FGF13: variants seen among roughly 807,000 people sequenced by gnomAD.
FGF13 encodes the protein fibroblast growth factor homologous factor 2.
Under a neutral mutation model 19.5 loss-of-function variants are expected in FGF13, and 2 were observed. The observed-to-expected ratio is 0.10, with a 90% CI of 0.04 to 0.32. FGF13 has a LOEUF of 0.32. FGF13 is among the 10% of genes least tolerant of loss of function. The pLI is 1.00. For synonymous variants in FGF13, 72 were observed against 76.9 expected (o/e 0.94, Z 0.33); for missense variants, 113 against 192.7 (o/e 0.59, Z 2.45).
At chrX:138,698,449 A>G (rs1295056906) in intron 3 of FGF13, among the ~76,000 whole-genome samples, 1 of 111,808 alleles carries the variant, frequency 8.9e-6, no homozygotes. Flanking sequence ...AAAAATGTAA[A>G]GGCAATTTGC....
intron 3 of FGF13, among the ~76,000 whole-genome samples, chrX:138,760,658 C>T (rs1326198319): frequency 2.7e-5 from 3 of 112,207 alleles, no homozygotes; most frequent in East Asian, 5.6e-4. Flanking sequence ...CTGTGAAGCT[C>T]AGCAAGTTTA....
chrX:139,127,021 C>T (rs1432112931), intron 1 of FGF13, among the ~76,000 whole-genome samples: 1 of 111,521 alleles, frequency 9.0e-6, no homozygotes, highest in East Asian at 2.8e-4. Context: ...GGCTATGGAC[C>T]TTGGCTTTTC....
At chrX:139,171,345 G>A (rs1298018088) in intron 1 of FGF13, among the ~76,000 whole-genome samples, 1 of 111,887 alleles carries the variant, frequency 8.9e-6, no homozygotes, top group African/African-American at 3.2e-5. Flanking sequence ...ATTATTAGAT[G>A]CCTAATTTAT....
chrX:138,959,574 C>G (rs1263873745), intron 1 of FGF13, among the ~76,000 whole-genome samples: 2 of 110,973 alleles, frequency 1.8e-5, no homozygotes, highest in African/African-American at 6.6e-5. Context: ...CCTGGATATT[C>G]TTGTTAATCT....
At chrX:139,094,118 C>G (rs767068411) in intron 1 of FGF13, among the ~76,000 whole-genome samples, 17 of 111,347 alleles carry the variant, frequency 1.5e-4, no homozygotes, top group Non-Finnish European at 2.8e-4. Context: ...GTCTCTAGTG[C>G]CTTTTTGTTT....
chrX:139,135,037 A>G (rs2083789137), intron 1 of FGF13, among the ~76,000 whole-genome samples: 1 of 107,186 alleles, frequency 9.3e-6, no homozygotes, highest in Non-Finnish European at 1.9e-5. Context: ...TGAATGGCAG[A>G]AAAAAAAAAC....
Position 138,894,223 on chromosome X carries a change from C to A in FGF13, c.-112-29573G>T, listed in dbSNP as rs1034851000. ...AAGACTAAAGGACCTGTAGTATCTT[C>A]TCTTTCCATCACAATGGAAAGAACT... On this transcript the variant is annotated intron_variant, in intron 1 of 2. Coordinates refer to the FGF13 transcript ENST00000421460. Among the ~76,000 whole-genome samples, 78 of 110,264 alleles carry A rather than the reference C, an allele frequency of 7.1e-4. 1 individual carries two copies. Among genetic ancestry groups the A allele is most frequent in the Non-Finnish European group, 5.7e-4 (30 of 52,801 alleles).
At chrX:138,671,049 CCAT>C (rs1221221251) in intron 3 of FGF13, among the ~76,000 whole-genome samples, 10 of 110,801 alleles carry the variant, frequency 9.0e-5, no homozygotes, top group African/African-American at 3.3e-4. Context: ...ACCACCACCG[CCAT>C]CATCATTTCC....
rs753289623 is a variant in FGF13, at chrX:138,891,355, T to C, written c.-112-26705A>G. ...TATCCAAAGTCAGGGTGTCAGCATG[T>C]TCGGCTTCTGGTGAGGGCTCACTTC... On this transcript the variant is annotated intron_variant, in intron 1 of 2. Coordinates refer to the FGF13 transcript ENST00000421460. Among the ~76,000 whole-genome samples the C allele has an allele frequency of 8.1e-5, 9 of 111,739 alleles. No homozygotes were observed. In the South Asian group the frequency reaches 3.1e-3, roughly 38 times the overall value.
chrX:138,926,236 T>C, intron 1 of FGF13, among the ~76,000 whole-genome samples: 1 of 111,839 alleles, frequency 8.9e-6, no homozygotes. Flanking sequence ...GCCAAGCACA[T>C]GATGAGTTAT....
At chrX:138,744,931 A>T (rs1170289223) in intron 3 of FGF13, among the ~76,000 whole-genome samples, 1 of 112,048 alleles carries the variant, frequency 8.9e-6, no homozygotes, top group East Asian at 2.8e-4. Context: ...TGACTGTGTT[A>T]TGTGTGCTGC....
At position 138,923,410 on chromosome X, in the gene FGF13, C is replaced by T. The variant is rs1032445121; in HGVS notation, c.-112-58760G>A. 6.2e-5 allele frequency among the ~76,000 whole-genome samples: 7 copies of T among 112,299 alleles called. 1 individual carries two copies. The highest frequency in any genetic ancestry group is 9.2e-3 in the Middle Eastern group (2 of 217). ...AAAGGATCAAACGGAATATATTTAA[C>T]TATATGATCAAAATATAAGGATGAT... On this transcript the variant is annotated intron_variant, in intron 1 of 2. Coordinates refer to the FGF13 transcript ENST00000421460.
chrX:139,068,571 T>C, intron 1 of FGF13, among the ~76,000 whole-genome samples: 1 of 110,801 alleles, frequency 9.0e-6, no homozygotes. Context: ...GTACATTACC[T>C]TGGGCAGTAT....
intron 1 of FGF13, among the ~76,000 whole-genome samples, chrX:138,953,112 TA>T (rs1393821237): frequency 9.0e-6 from 1 of 111,246 alleles, no homozygotes; most frequent in Non-Finnish European, 1.9e-5. Flanking sequence ...CATGCTGCTA[TA>T]AAGACACATG....
At chrX:139,175,909 A>G (rs1272249331) in intron 1 of FGF13, among the ~76,000 whole-genome samples, 2 of 111,753 alleles carry the variant, frequency 1.8e-5, no homozygotes, top group Admixed American at 9.5e-5. Context: ...GATGATGCTG[A>G]CCTCATAAAA....
At position 138,632,967 on chromosome X, in the gene FGF13, T is replaced by C. The variant is rs774144022; in HGVS notation, c.621A>G (p.Pro207=). 1.7e-6 allele frequency: 2 copies of C among 1,209,768 alleles called. No homozygotes were observed. The highest frequency in any genetic ancestry group is 2.2e-6 in the Non-Finnish European group (2 of 894,346). ...KPLKVAMYKE[P]SLHDLTEFSR... Reference sequence around the variant, plus strand: ...AGAACTCCGTGAGATCGTGCAGTGATGGCTCCTTGTACATGGCCACTGAAA... The same window carrying C: ...AGAACTCCGTGAGATCGTGCAGTGACGGCTCCTTGTACATGGCCACTGAAA... The change falls in exon 5 of 5, where the codon CCA becomes CCG. Residue 207 remains proline (P), a synonymous_variant. Transcript: ENST00000315930.
At chrX:138,856,338 G>T (rs766579778), downstream of FGF13, among the ~76,000 whole-genome samples, 1 of 111,411 alleles carries the variant, frequency 9.0e-6, no homozygotes, top group Admixed American at 9.6e-5. Context: ...ACTCTATTTG[G>T]AAAGAAGAAA....
upstream of FGF13, among the ~76,000 whole-genome samples, chrX:138,714,968 G>A (rs2090087983): frequency 9.0e-6 from 1 of 111,426 alleles, no homozygotes; most frequent in South Asian, 3.8e-4. Flanking sequence ...CTCCAGTTTT[G>A]ATTTGTTCCT....
chrX:138,626,297 T>C lies in FGF13; in HGVS notation c.*6553A>G, dbSNP rs927989325. 8.9e-6 allele frequency: 1 copy of C among 111,961 alleles called. No homozygotes were observed. The highest frequency in any genetic ancestry group is 9.5e-5 in the Admixed American group (1 of 10,562). 9.2% of individuals were successfully genotyped at this position (111,961 alleles called of 1,213,427 possible). A position where few individuals can be genotyped will look rare whatever the true frequency, so the allele number is the denominator to read the frequency against. ...ACTAGGCTAATTAATATTTTAGAGA[T>C]ACCCAGTGCTATTTCATGTGCCTTT... On this transcript the variant is annotated 3_prime_UTR_variant, in exon 5 of 5. Coordinates refer to ENST00000315930, the MANE Select transcript of FGF13 (RefSeq NM_004114.5).
Sources: gnomAD v4.1 joint callset for allele counts (sites outside exome capture counted in the v4.1 genomes callset) on GRCh38, gnomAD v4.1.1 for gene constraint, MANE v1.5 for transcripts, NCBI Gene and HGNC (gene_info 2026-07-23, HGNC 2026-07-21) for gene names.